The following ME3 variants were observed in gnomAD, a reference collection of about 807,000 sequenced individuals.
The protein encoded by ME3 is NADP-dependent malic enzyme, mitochondrial.
In ME3, 48 loss-of-function variants were observed where a neutral mutation model predicts 68.9. That is an observed-to-expected ratio of 0.70 (90% CI 0.55 to 0.89). ME3 has a LOEUF of 0.89. ME3 is among the 40% of genes least tolerant of loss of function. The pLI, the probability that ME3 is intolerant of heterozygous loss-of-function variation, is 0.00. For missense variants in ME3, 675 were observed against 797.4 expected, an observed-to-expected ratio of 0.85 and a Z score of 1.85; for synonymous variants, 320 against 318.8, an observed-to-expected ratio of 1.00 and a Z score of -0.04.
intron 2 of ME3, among the ~76,000 whole-genome samples, chr11:86,562,422 G>A (rs1957280424): frequency 6.6e-6 from 1 of 152,124 alleles, no homozygotes; most frequent in African/African-American, 2.4e-5. Flanking sequence ...TGCAACTGCT[G>A]GATCATATGG....
chr11:86,460,933 G>C (rs1950196413), intron 8 of ME3, among the ~76,000 whole-genome samples: 1 of 152,186 alleles, frequency 6.6e-6, no homozygotes, highest in Admixed American at 6.5e-5. Context: ...ACAGGCTTCT[G>C]GCCTGGACCC....
chr11:86,462,810 G>A, intron 8 of ME3: 2 of 407,758 alleles, frequency 4.9e-6, no homozygotes, highest in South Asian at 3.6e-5. Context: ...ACACCTGAGG[G>A]GCACCCAAAT....
chr11:86,485,319 A>C (rs616794), intron 7 of ME3, among the ~76,000 whole-genome samples: 44,037 of 151,960 alleles, frequency 0.29, 6,858 homozygotes, highest in East Asian at 0.33. Flanking sequence ...TAGTTATTGC[A>C]CTCCAAAGGC....
chr11:86,589,473 A>C (rs1267774944), intron 2 of ME3, among the ~76,000 whole-genome samples: 2 of 152,206 alleles, frequency 1.3e-5, no homozygotes, highest in African/African-American at 4.8e-5. Flanking sequence ...AGACTCTAGC[A>C]TATCCTCTGA....
chr11:86,605,828 C>T (rs1302909563), intron 2 of ME3, among the ~76,000 whole-genome samples: 2 of 151,978 alleles, frequency 1.3e-5, no homozygotes, highest in Non-Finnish European at 2.9e-5. Context: ...ACCCAGACAG[C>T]CTCATTCCAA....
intron 7 of ME3, among the ~76,000 whole-genome samples, chr11:86,474,098 G>A (rs1361281263): frequency 6.6e-6 from 1 of 152,182 alleles, no homozygotes; most frequent in Non-Finnish European, 1.5e-5. Context: ...AGCCCATGAT[G>A]TGAGGGTGGA....
chr11:86,632,283 G>A (rs548534387), intron 2 of ME3, among the ~76,000 whole-genome samples: 4 of 152,140 alleles, frequency 2.6e-5, no homozygotes, highest in African/African-American at 9.7e-5. Context: ...ACAGTTTGTG[G>A]GGAAGTAGTG....
At chr11:86,619,115 G>A (rs999923796) in intron 2 of ME3, among the ~76,000 whole-genome samples, 1 of 152,146 alleles carries the variant, frequency 6.6e-6, no homozygotes, top group East Asian at 1.9e-4. Context: ...TCCACCATGA[G>A]TAAAAGCTCC....
At chr11:86,461,707 T>C (rs1339006854) in intron 8 of ME3, among the ~76,000 whole-genome samples, 4 of 152,204 alleles carry the variant, frequency 2.6e-5, no homozygotes, top group African/African-American at 4.8e-5. Flanking sequence ...ACAGCCTTGC[T>C]GTCAGCTGGG....
At chr11:86,478,911 G>A (rs1014761076) in intron 7 of ME3, among the ~76,000 whole-genome samples, 8 of 152,082 alleles carry the variant, frequency 5.3e-5, no homozygotes, top group African/African-American at 1.7e-4. Flanking sequence ...ATGACCTTCT[G>A]CCTGGATTGC....
At chr11:86,439,466 C>G (rs1948917914), downstream of ME3, among the ~76,000 whole-genome samples, 1 of 152,154 alleles carries the variant, frequency 6.6e-6, no homozygotes, top group African/African-American at 2.4e-5. Flanking sequence ...CTCTATAGAG[C>G]CAATTGCATT....
At chr11:86,525,585 G>A (rs509870) in intron 4 of ME3, among the ~76,000 whole-genome samples, 11,803 of 152,076 alleles carry the variant, frequency 0.078, 584 homozygotes, top group East Asian at 0.26. Flanking sequence ...CACAGAGGCC[G>A]GGTGCAGTGG....
Position 86,603,169 on chromosome 11 carries a change from A to G in ME3, c.184-43346T>C, listed in dbSNP as rs569036724. Reference sequence around the variant, plus strand: ...CATCAGAGTGAACAGGCAGCCTACAAAATGGGAGAAAATTTTCGCAACCTA... The same window carrying G: ...CATCAGAGTGAACAGGCAGCCTACAGAATGGGAGAAAATTTTCGCAACCTA... On this transcript the variant is annotated intron_variant, in intron 2 of 14. Transcript: ENST00000543262. Among the ~76,000 whole-genome samples, 502 of 152,266 alleles carry G rather than the reference A, an allele frequency of 3.3e-3. 1 individual carries two copies. Among genetic ancestry groups the G allele is most frequent in the African/African-American group, 0.011 (473 of 41,544 alleles).
chr11:86,553,787 A>G (rs959173152), intron 4 of ME3, among the ~76,000 whole-genome samples: 1 of 152,104 alleles, frequency 6.6e-6, no homozygotes, highest in Non-Finnish European at 1.5e-5. Flanking sequence ...GTATCTAGCA[A>G]TCCCCACCTG....
At chr11:86,569,662 A>G (rs1957681726) in intron 2 of ME3, among the ~76,000 whole-genome samples, 1 of 152,212 alleles carries the variant, frequency 6.6e-6, no homozygotes, top group Admixed American at 6.5e-5. Context: ...TTGGATACCC[A>G]CTAGGTTGGG....
chr11:86,436,192 T>G (rs190026847), downstream of ME3: 114 of 148,642 alleles, frequency 7.7e-4, 1 homozygote, highest in African/African-American at 2.8e-3. Flanking sequence ...TACCAACAGA[T>G]CTTTTTTTTT....
chr11:86,604,599 T>C (rs1961334014), intron 2 of ME3, among the ~76,000 whole-genome samples: 1 of 152,168 alleles, frequency 6.6e-6, no homozygotes, highest in Admixed American at 6.5e-5. Flanking sequence ...TATAAAATGA[T>C]ATAAATGTAA....
intron 4 of ME3, among the ~76,000 whole-genome samples, chr11:86,518,629 G>A (rs1954053275): frequency 6.6e-6 from 1 of 152,142 alleles, no homozygotes; most frequent in Non-Finnish European, 1.5e-5. Flanking sequence ...TCTTGTTTAT[G>A]TGCCTGGTGT....
intron 4 of ME3, among the ~76,000 whole-genome samples, chr11:86,518,566 C>T (rs1954047684): frequency 6.6e-6 from 1 of 152,214 alleles, no homozygotes; most frequent in Admixed American, 6.5e-5. Flanking sequence ...ACAGACTTCA[C>T]TCTCTTAAGA....
Sources: gnomAD v4.1 joint callset for allele counts (sites outside exome capture counted in the v4.1 genomes callset) on GRCh38, gnomAD v4.1.1 for gene constraint, MANE v1.5 for transcripts, NCBI Gene and HGNC (gene_info 2026-07-23, HGNC 2026-07-21) for gene names.